Variants in ABCC3 observed in about 807,000 individuals in gnomAD.
ABCC3 encodes ATP-binding cassette sub-family C member 3.
In ABCC3, 121 loss-of-function variants were observed where a neutral mutation model predicts 165.3. That is an observed-to-expected ratio of 0.73 (90% CI 0.63 to 0.85). The LOEUF (loss-of-function observed/expected upper bound fraction) is 0.85, where lower values mean the gene tolerates loss of function less well. Among genes scored for constraint, ABCC3 ranks in the 40% least tolerant of loss-of-function variants. The pLI, the probability that ABCC3 is intolerant of heterozygous loss-of-function variation, is 0.00. For missense variants in ABCC3, 1,869 were observed against 1,964.1 expected, an observed-to-expected ratio of 0.95 and a Z score of 0.92; for synonymous variants, 733 against 810.1, an observed-to-expected ratio of 0.90 and a Z score of 1.62.
intron 1 of ABCC3, among the ~76,000 whole-genome samples, chr17:50,647,024 G>A (rs1171016532): frequency 6.6e-6 from 1 of 152,192 alleles, no homozygotes; most frequent in Non-Finnish European, 1.5e-5. Context: ...GATTACAGGT[G>A]CCTGCCACCA....
intron 1 of ABCC3, among the ~76,000 whole-genome samples, chr17:50,638,294 C>T (rs547091957): frequency 3.3e-5 from 5 of 152,174 alleles, no homozygotes; most frequent in Non-Finnish European, 5.9e-5. Flanking sequence ...ATTTACCCCC[C>T]GCCAGATAAA....
In ABCC3 at chr17:50,674,028, C is replaced by T. The variant is rs867163461; in HGVS notation, c.2599+370C>T. On this transcript the variant is annotated intron_variant, in intron 19 of 30. Transcript: ENST00000285238. Reference sequence around the variant, plus strand: ...TCTCTCTCTCTCTCTCTCTCTCTCTCTCTCTCTCTTTCTTTCTTTCTTTCT... The same window carrying T: ...TCTCTCTCTCTCTCTCTCTCTCTCTTTCTCTCTCTTTCTTTCTTTCTTTCT... Among the ~76,000 whole-genome samples the T allele has an allele frequency of 3.5e-3, 105 of 30,324 alleles. 41 individuals carry two copies. Among genetic ancestry groups the T allele is most frequent in the South Asian group, 7.2e-3 (7 of 972 alleles). The allele number at this position is 30,324 out of a possible 152,430, so 19.9% of individuals were successfully genotyped here.
intron 7 of ABCC3, among the ~76,000 whole-genome samples, chr17:50,660,079 C>A (rs1469909327): frequency 6.6e-6 from 1 of 152,158 alleles, no homozygotes; most frequent in Non-Finnish European, 1.5e-5. Context: ...AGCTGGAATC[C>A]ACATGGAGCC....
chr17:50,675,185 G>T (rs1210178632), intron 19 of ABCC3, among the ~76,000 whole-genome samples, 177 bp from the exon 20 acceptor site: 2 of 152,204 alleles, frequency 1.3e-5, no homozygotes, highest in African/African-American at 2.4e-5. Context: ...CATAATTTGT[G>T]AAGAGAGTTT....
chr17:50,645,744 T>A (rs1177212194), intron 1 of ABCC3, among the ~76,000 whole-genome samples: 1 of 152,126 alleles, frequency 6.6e-6, no homozygotes, highest in Non-Finnish European at 1.5e-5. Flanking sequence ...GGACTACAGG[T>A]GCCTGTCACC....
intron 23 of ABCC3, 143 bp downstream of exon 23, chr17:50,676,731 T>C (rs1175509854): frequency 1.5e-5 from 12 of 801,566 alleles, no homozygotes; most frequent in Non-Finnish European, 2.3e-5. Flanking sequence ...ACATTTATGT[T>C]AGGGGAGCCA....
At chr17:50,655,484 T>A (rs1967218422) in intron 1 of ABCC3, among the ~76,000 whole-genome samples, 1 of 149,600 alleles carries the variant, frequency 6.7e-6, no homozygotes, top group Non-Finnish European at 1.5e-5. Flanking sequence ...CTGGGAGGGA[T>A]GAACTGCAGA....
intron 1 of ABCC3, among the ~76,000 whole-genome samples, chr17:50,636,124 T>C (rs191353377): frequency 6.6e-6 from 1 of 152,344 alleles, no homozygotes; most frequent in Admixed American, 6.5e-5. Flanking sequence ...TGCTTCTCTG[T>C]GGTCATTAAA....
In ABCC3 at chr17:50,656,698, G is replaced by A. The variant is rs749754273; in HGVS notation, c.223-4G>A. 2 of 1,609,880 alleles carry A rather than the reference G, an allele frequency of 1.2e-6. No homozygotes were observed. The highest frequency in any genetic ancestry group is 1.7e-5 in the Admixed American group (1 of 59,192). ...GCGGATTCCAACCTGTGCTCTCTTCGCAGGTCCTGGGTGTCCTGCTGTGGT... is the reference window on the plus strand; with the variant it reads ...GCGGATTCCAACCTGTGCTCTCTTCACAGGTCCTGGGTGTCCTGCTGTGGT... On this transcript the variant is annotated splice_region_variant and splice_polypyrimidine_tract_variant and intron_variant, in intron 2 of 30. Coordinates refer to ENST00000285238, the MANE Select transcript of ABCC3 (RefSeq NM_003786.4).
rs761116931 is a variant in ABCC3 at position 50,677,990 on chromosome 17, C to G, written c.3578+47C>G. On this transcript the variant is annotated intron_variant, in intron 24 of 30. Coordinates refer to ENST00000285238, the MANE Select transcript of ABCC3 (RefSeq NM_003786.4). ...TCCCTGCTCCTCCAGGAATTCCCAG[C>G]AGGCTCTCTGGTGTTCAGGGTCCTT... is the stretch of plus-strand genomic sequence containing the variant. The G allele has an allele frequency of 3.1e-6, 5 of 1,613,792 alleles. No homozygotes were observed. The African/African-American group carries it at 6.7e-5, about 22-fold the overall frequency.
chr17:50,673,985 T>TCC (rs1967731028), intron 19 of ABCC3, among the ~76,000 whole-genome samples: 2 of 4,132 alleles, frequency 4.8e-4, no homozygotes, highest in Non-Finnish European at 8.7e-4. Flanking sequence ...TCTTTCTCTC[T>TCC]CTCTCTCTCT....
chr17:50,677,828 G>A lies in ABCC3; in HGVS notation c.3463G>A (p.Val1155Met), dbSNP rs1967851635. The A allele has an allele frequency of 1.9e-6, 3 of 1,614,058 alleles. No individual in the cohort carries two copies. The highest frequency in any genetic ancestry group is 2.2e-5 in the South Asian group (2 of 91,084). The change falls in exon 24 of 31, where the codon GTG becomes ATG. Residue 1155 changes from valine (V) to methionine (M), a missense_variant. By Grantham distance (21) the Val-to-Met change is conservative (BLOSUM62 1). Transcript: ENST00000285238. ...TATCTACTCCCACTTTTCGGAGACA[G>A]TGACTGGTGCCAGTGTCATCCGGGC... Reference protein sequence around the residue: ...SPIYSHFSETVTGASVIRAYN... With the variant: ...SPIYSHFSETMTGASVIRAYN...
chr17:50,649,829 C>A (rs761858731), intron 1 of ABCC3, among the ~76,000 whole-genome samples: 2 of 152,060 alleles, frequency 1.3e-5, no homozygotes, highest in African/African-American at 2.4e-5. Flanking sequence ...GAACAATAGC[C>A]GTTCATTAAA....
At chr17:50,682,151 C>T (rs889212346) in intron 26 of ABCC3, among the ~76,000 whole-genome samples, 1 of 152,050 alleles carries the variant, frequency 6.6e-6, no homozygotes, top group Non-Finnish European at 1.5e-5. Flanking sequence ...CACAGCGTCC[C>T]CACTCCCGGA....
Position 50,683,958 on chromosome 17 carries a change from G to A in ABCC3, c.3964G>A (p.Val1322Met), listed in dbSNP as rs142763506. ...HVHGGEKVGI[V>M]GRTGAGKSSM... ...TCCCTTCTCCGCCCAGGTGGGGATC[G>A]TGGGCCGCACTGGGGCTGGCAAGTC... The change falls in exon 28 of 31, where the codon GTG (valine) becomes ATG (methionine). Residue 1322 changes from valine to methionine, a missense_variant. Transcript: ENST00000285238. The A allele has an allele frequency of 1.9e-5, 31 of 1,612,730 alleles. No individual in the cohort carries two copies. The highest frequency in any genetic ancestry group is 3.3e-4 in the Middle Eastern group (2 of 6,052).
At chr17:50,644,150 A>T (rs1304908405) in intron 1 of ABCC3, among the ~76,000 whole-genome samples, 1 of 151,436 alleles carries the variant, frequency 6.6e-6, no homozygotes, top group East Asian at 2.0e-4. Flanking sequence ...GTCTCTACTA[A>T]AAATACAAAA....
In ABCC3 at chr17:50,668,486, C is replaced by G. The variant is rs369652831; in HGVS notation, c.1839C>G (p.Pro613=). ...TCCTGAGCCAAGAGGAACTTGACCC[C>G]CAGAGTGTGGAAAGAAAGACCATCT... ...QQFLSQEELD[P]QSVERKTISP... is the part of the protein sequence containing the mutation. The change falls in exon 14 of 31, where the codon CCC becomes CCG. Residue 613 remains proline, a synonymous_variant. Transcript: ENST00000285238. 73 of 1,613,870 alleles carry G rather than the reference C, an allele frequency of 4.5e-5. No homozygotes were observed. The highest frequency in any genetic ancestry group is 6.1e-5 in the Non-Finnish European group (72 of 1,179,946).
At position 50,656,783 on chromosome 17, in the gene ABCC3, G is replaced by A. The variant is rs144017154; in HGVS notation, c.304G>A (p.Ala102Thr). ...FHGLVHGRAP[A>T]PVFFVTPLVV... Reference sequence around the variant, plus strand: ...TGGCCTGGTCCATGGCCGGGCCCCTGCCCCTGTTTTCTTTGTCACCCCCTT... The same window carrying A: ...TGGCCTGGTCCATGGCCGGGCCCCTACCCCTGTTTTCTTTGTCACCCCCTT... Residue 102 changes from alanine to threonine, a missense_variant, in exon 3 of 31, where the codon GCC becomes ACC. By Grantham distance (58) the Ala-to-Thr change is moderately conservative. Transcript: ENST00000285238. The A allele has an allele frequency of 2.0e-5, 32 of 1,613,710 alleles. No homozygotes were observed. The Admixed American group carries it at 3.2e-4, about 16-fold the overall frequency.
chr17:50,654,719 A>G (rs1460921794), intron 1 of ABCC3, among the ~76,000 whole-genome samples: 1 of 152,100 alleles, frequency 6.6e-6, no homozygotes, highest in African/African-American at 2.4e-5. Context: ...CCTATCCCTG[A>G]CCCGGGAAAG....
Sources: allele counts gnomAD v4.1 joint callset (sites outside exome capture counted in the v4.1 genomes callset), GRCh38; gene constraint gnomAD v4.1.1; transcripts MANE v1.5; gene names NCBI Gene and HGNC (gene_info 2026-07-23, HGNC 2026-07-21).